The following DLG2 variants were observed in gnomAD, a reference collection of about 807,000 sequenced individuals.
DLG2 encodes the protein disks large homolog 2.
In DLG2, 45 loss-of-function variants were observed where a neutral mutation model predicts 132.5. The ratio of observed to expected loss-of-function variants is 0.34; its 90% CI spans 0.27 to 0.44. The LOEUF (loss-of-function observed/expected upper bound fraction) is 0.44. Ranked by LOEUF, DLG2 falls within the 20% of genes least tolerant of loss-of-function variation. The pLI is 1.00. For missense variants in DLG2, 1,045 were observed against 1,196.9 expected (o/e 0.87, Z 1.87); for synonymous variants, 424 against 419.6 (o/e 1.01, Z -0.13).
intron 4 of DLG2, among the ~76,000 whole-genome samples, chr11:85,156,781 C>G (rs1211569482): frequency 6.6e-6 from 1 of 152,188 alleles, no homozygotes; most frequent in Non-Finnish European, 1.5e-5. Flanking sequence ...GCTTCCCAGG[C>G]AAAGGCTACC....
At chr11:84,336,223 C>T (rs373555496) in intron 7 of DLG2, among the ~76,000 whole-genome samples, 69 of 152,246 alleles carry the variant, frequency 4.5e-4, no homozygotes, top group African/African-American at 1.6e-3. Context: ...AAAGTAAAAC[C>T]AGAGAAAATA....
chr11:84,522,155 G>A (rs570610956), intron 7 of DLG2, among the ~76,000 whole-genome samples: 20 of 150,006 alleles, frequency 1.3e-4, no homozygotes, highest in Non-Finnish European at 2.5e-4. Flanking sequence ...GCGACAGAGC[G>A]AGACTCTGTC....
At chr11:84,095,821 G>A (rs531519695) in intron 10 of DLG2, among the ~76,000 whole-genome samples, 1 of 152,206 alleles carries the variant, frequency 6.6e-6, no homozygotes, top group East Asian at 1.9e-4. Flanking sequence ...GGTGAATTTT[G>A]CTGCTCTAGT....
intron 9 of DLG2, among the ~76,000 whole-genome samples, chr11:84,146,930 C>T (rs920305333): frequency 1.3e-5 from 2 of 152,204 alleles, no homozygotes; most frequent in Non-Finnish European, 2.9e-5. Context: ...CAGGAAGGCT[C>T]ATTATTTCAG....
chr11:84,877,670 T>G (rs1409195378), intron 6 of DLG2, among the ~76,000 whole-genome samples: 1 of 152,038 alleles, frequency 6.6e-6, no homozygotes, highest in African/African-American at 2.4e-5. Flanking sequence ...GTCCATGTCT[T>G]TTAATGAGGG....
At chr11:83,992,686 C>T (rs1014234569) in intron 11 of DLG2, among the ~76,000 whole-genome samples, 4 of 151,920 alleles carry the variant, frequency 2.6e-5, no homozygotes, top group African/African-American at 9.7e-5. Flanking sequence ...ACTTGGATAT[C>T]AAGAAATATC....
intron 7 of DLG2, among the ~76,000 whole-genome samples, chr11:84,454,595 T>G (rs1653942838): frequency 6.6e-6 from 1 of 151,494 alleles, no homozygotes; most frequent in Admixed American, 6.6e-5. Flanking sequence ...AAAACCAATG[T>G]TCCTTAAGAG....
chr11:84,475,935 G>A lies in DLG2; in HGVS notation c.519+58635C>T, dbSNP rs138181499. On this transcript the variant is annotated intron_variant, in intron 7 of 27. Coordinates refer to ENST00000376104, the MANE Select transcript of DLG2 (RefSeq NM_001142699.3). ...GCAAAAATGTGCCTTGTGAGTTATCGATGGTTCTGTTTAAGTCCGATTGTA... is the reference window on the plus strand; with the variant it reads ...GCAAAAATGTGCCTTGTGAGTTATCAATGGTTCTGTTTAAGTCCGATTGTA... Among the ~76,000 whole-genome samples the A allele has an allele frequency of 1.6e-4, 24 of 152,030 alleles. No homozygotes were observed. In the East Asian group the frequency reaches 4.5e-3, roughly 28 times the overall value.
chr11:84,092,161 T>C (rs1172521959), intron 10 of DLG2, among the ~76,000 whole-genome samples: 1 of 152,222 alleles, frequency 6.6e-6, no homozygotes, highest in Non-Finnish European at 1.5e-5. Flanking sequence ...GAATTGAATC[T>C]GATCATATTC....
At chr11:85,609,607 T>TG (rs1378147104) in intron 2 of DLG2, among the ~76,000 whole-genome samples, 1 of 152,182 alleles carries the variant, frequency 6.6e-6, no homozygotes, top group Admixed American at 6.5e-5. Flanking sequence ...AGGCAATCAC[T>TG]GGAAGGTGCA....
intron 3 of DLG2, among the ~76,000 whole-genome samples, chr11:85,514,863 T>C (rs2094142661): frequency 6.6e-6 from 1 of 151,964 alleles, no homozygotes; most frequent in Non-Finnish European, 1.5e-5. Flanking sequence ...TATATACTTT[T>C]GCTGTACACC....
intron 3 of DLG2, among the ~76,000 whole-genome samples, chr11:85,503,738 G>A (rs1022309654): frequency 2.6e-5 from 4 of 151,988 alleles, no homozygotes; most frequent in African/African-American, 7.2e-5. Flanking sequence ...TCAAGACCGA[G>A]CCAGGTAACA....
intron 19 of DLG2, among the ~76,000 whole-genome samples, chr11:83,622,519 T>C (rs1334587196): frequency 6.6e-6 from 1 of 152,242 alleles, no homozygotes; most frequent in Non-Finnish European, 1.5e-5. Context: ...CATTCGACAT[T>C]TAAATTTTTG....
chr11:83,802,151 C>T (rs966856574), intron 17 of DLG2, among the ~76,000 whole-genome samples: 5 of 151,448 alleles, frequency 3.3e-5, no homozygotes, highest in East Asian at 1.9e-4. Context: ...CATTATGCCT[C>T]GCTAATTAAA....
intron 19 of DLG2, among the ~76,000 whole-genome samples, chr11:83,571,078 C>T (rs907302505): frequency 2.0e-5 from 3 of 152,060 alleles, no homozygotes; most frequent in African/African-American, 7.2e-5. Context: ...GACAGGGTTT[C>T]ACCATGTTGG....
intron 18 of DLG2, among the ~76,000 whole-genome samples, chr11:83,705,887 C>T (rs1428040982): frequency 3.3e-5 from 5 of 152,108 alleles, no homozygotes; most frequent in East Asian, 1.9e-4. Context: ...TTGCAGTCAT[C>T]GCGCACACCA....
intron 4 of DLG2, among the ~76,000 whole-genome samples, chr11:85,217,509 C>T (rs1402847723): frequency 6.6e-6 from 1 of 152,156 alleles, no homozygotes; most frequent in Non-Finnish European, 1.5e-5. Flanking sequence ...CAATTAAACA[C>T]CAGAGTCAAG....
At chr11:83,663,220 AAAT>A (rs1374970980) in intron 18 of DLG2, among the ~76,000 whole-genome samples, 1 of 152,222 alleles carries the variant, frequency 6.6e-6, no homozygotes, top group African/African-American at 2.4e-5. Flanking sequence ...CCTAGAGACA[AAAT>A]AATTTAAGAT....
intron 5 of DLG2, among the ~76,000 whole-genome samples, chr11:85,140,579 GAC>G (rs1223685860): frequency 6.7e-6 from 1 of 149,898 alleles, no homozygotes. Context: ...TTTTGTATTA[GAC>G]ACATTCCAAT....
Sources: allele counts gnomAD v4.1 joint callset (sites outside exome capture counted in the v4.1 genomes callset), GRCh38; gene constraint gnomAD v4.1.1; transcripts MANE v1.5; gene names NCBI Gene and HGNC (gene_info 2026-07-23, HGNC 2026-07-21).